Variants in ZGRF1 observed in about 807,000 individuals in gnomAD.
ZGRF1 encodes the protein 5'-3' DNA helicase ZGRF1.
In ZGRF1, 196 loss-of-function variants were observed where a neutral mutation model predicts 203.5. The ratio of observed to expected loss-of-function variants is 0.96; its 90% CI spans 0.86 to 1.08. The LOEUF (loss-of-function observed/expected upper bound fraction) is 1.08. ZGRF1 is among the 50% of genes least tolerant of loss of function. ZGRF1 has a pLI of 0.00. For synonymous variants in ZGRF1, 809 were observed against 841.3 expected (o/e 0.96, Z 0.66); for missense variants, 2,326 against 2,416.3 (o/e 0.96, Z 0.78).
At chr4:112,559,274 C>T (rs1436166135) in intron 19 of ZGRF1, among the ~76,000 whole-genome samples, 1 of 152,176 alleles carries the variant, frequency 6.6e-6, no homozygotes, top group African/African-American at 2.4e-5. Context: ...TCGTGACTCA[C>T]TGCAACCTCT....
chr4:112,543,797 C>T (rs186059159), intron 24 of ZGRF1, among the ~76,000 whole-genome samples: 1 of 152,212 alleles, frequency 6.6e-6, no homozygotes, highest in Admixed American at 6.5e-5. Context: ...AATTTTGAAC[C>T]ATATGACTAT....
chr4:112,613,275 G>C (rs1279472154), intron 6 of ZGRF1, among the ~76,000 whole-genome samples: 1 of 152,094 alleles, frequency 6.6e-6, no homozygotes, highest in Non-Finnish European at 1.5e-5. Flanking sequence ...GCCTGGGTGA[G>C]AGTGAGACCA....
At chr4:112,540,792 T>C (rs1737404956) in intron 26 of ZGRF1, 29 bp downstream of exon 26, 21 of 1,513,118 alleles carry the variant, frequency 1.4e-5, no homozygotes, top group Non-Finnish European at 1.6e-5. Context: ...ATTTAATATA[T>C]GGCAAATACT....
chr4:112,597,523 C>CTAA (rs987394230), intron 10 of ZGRF1, among the ~76,000 whole-genome samples: 15 of 151,094 alleles, frequency 9.9e-5, no homozygotes, highest in African/African-American at 2.9e-4. Flanking sequence ...GACCTTGTCT[C>CTAA]TAATAATAAT....
intron 2 of ZGRF1, among the ~76,000 whole-genome samples, chr4:112,632,263 G>A (rs1229700622): frequency 1.3e-5 from 2 of 151,976 alleles, no homozygotes; most frequent in African/African-American, 4.8e-5. Flanking sequence ...AATAGGGGAG[G>A]AAATGGCAGG....
chr4:112,634,775 T>TA (rs1490910587), intron 1 of ZGRF1, among the ~76,000 whole-genome samples: 1 of 152,162 alleles, frequency 6.6e-6, no homozygotes, highest in Non-Finnish European at 1.5e-5. Context: ...GAGATATGCA[T>TA]ACTTGCTTCG....
At chr4:112,554,003 A>C in intron 21 of ZGRF1, 21 bp from the exon 22 acceptor site, 2 of 1,576,092 alleles carry the variant, frequency 1.3e-6, no homozygotes, top group Non-Finnish European at 1.7e-6. Context: ...ATATTAAAAC[A>C]CTCCTCTTTA....
Position 112,554,397 on chromosome 4 carries a change from G to C in ZGRF1, c.5198+308C>G, listed in dbSNP as rs1553980288. Among the ~76,000 whole-genome samples the C allele has an allele frequency of 2.0e-5, 3 of 152,064 alleles. No homozygotes were observed. In the South Asian group the frequency reaches 6.2e-4, roughly 32 times the overall value. ...ATGCACACGTATGTTTATTGCGGCA[G>C]TATTCACAATAGCAAAGACTTGGAA... On this transcript the variant is annotated intron_variant, in intron 21 of 27. Coordinates refer to ENST00000505019, the MANE Select transcript of ZGRF1 (RefSeq NM_018392.5).
chr4:112,568,336 A>G (rs1743519892), intron 16 of ZGRF1, among the ~76,000 whole-genome samples: 2 of 152,202 alleles, frequency 1.3e-5, no homozygotes, highest in Non-Finnish European at 1.5e-5. Flanking sequence ...CACTGTATAG[A>G]GAAATATAAG....
chr4:112,599,308 C>T (rs1015348070), intron 10 of ZGRF1, among the ~76,000 whole-genome samples: 12 of 152,040 alleles, frequency 7.9e-5, no homozygotes, highest in African/African-American at 1.7e-4. Context: ...AATTGACATG[C>T]ACAATGGAAT....
chr4:112,559,917 T>C (rs1460716627), intron 19 of ZGRF1, among the ~76,000 whole-genome samples: 1 of 152,100 alleles, frequency 6.6e-6, no homozygotes, highest in Non-Finnish European at 1.5e-5. Flanking sequence ...ACACTCAATA[T>C]GAAAGATGGA....
chr4:112,581,666 TG>T lies in ZGRF1; in HGVS notation c.4434del (p.Ser1478ArgfsTer12), dbSNP rs781187868. ...LSRKERSSAYSKNDLWVVSKT... is the reference protein window; with the variant it reads ...LSRKERSSAYXKNDLWVVSKT... ...CAGTATGATCAGATCAACTTACTTT[TG>T]CTATAAGCTGAAGATCTTTCCTTCC... On this transcript the variant is annotated frameshift_variant, in exon 16 of 28. Coordinates refer to ENST00000505019, the MANE Select transcript of ZGRF1 (RefSeq NM_018392.5). LOFTEE classifies it high-confidence loss of function. 3 of 1,575,826 alleles carry T rather than the reference TG, an allele frequency of 1.9e-6. No individual in the cohort carries two copies. In the East Asian group the frequency reaches 7.1e-5, roughly 37 times the overall value.
intron 14 of ZGRF1, among the ~76,000 whole-genome samples, chr4:112,584,598 G>A (rs759420349): frequency 3.3e-5 from 5 of 152,194 alleles, no homozygotes; most frequent in Non-Finnish European, 5.9e-5. Context: ...TTTCTACTCT[G>A]TAACCTAGCC....
chr4:112,587,950 G>A, intron 11 of ZGRF1, 21 bp from the exon 12 acceptor site: 1 of 1,486,924 alleles, frequency 6.7e-7, no homozygotes, highest in Non-Finnish European at 8.9e-7. Context: ...ACAGAATGCT[G>A]ATTAAATAAA....
intron 24 of ZGRF1, among the ~76,000 whole-genome samples, chr4:112,541,650 T>A (rs1205638622): frequency 1.3e-5 from 2 of 151,470 alleles, no homozygotes; most frequent in Admixed American, 1.3e-4. Context: ...TGCCTCAGCC[T>A]CCCGAGTAGC....
intron 6 of ZGRF1, among the ~76,000 whole-genome samples, chr4:112,617,076 G>A (rs1053154352): frequency 6.6e-6 from 1 of 152,048 alleles, no homozygotes; most frequent in Non-Finnish European, 1.5e-5. Flanking sequence ...GTGACAGAGT[G>A]AGACTGTCTC....
chr4:112,548,436 C>T lies in ZGRF1; in HGVS notation c.5347-56G>A, dbSNP rs970751392. ...CAATTATTAAAAGAAAATAAGAGAA[C>T]GTATTTACCAAAGAACTTGTAGGCT... On this transcript the variant is annotated intron_variant, in intron 22 of 27. Transcript: ENST00000505019. 16 of 1,382,834 alleles carry T rather than the reference C, an allele frequency of 1.2e-5. No homozygotes were observed. The East Asian group carries it at 2.0e-4, about 18-fold the overall frequency. 85.7% of individuals were successfully genotyped at this position (1,382,834 alleles called of 1,614,324 possible). A position where few individuals can be genotyped will look rare whatever the true frequency, so the allele number is the denominator to read the frequency against.
rs762531037 is a variant in ZGRF1, at chr4:112,633,169, C to T, written c.8G>A (p.Ser3Asn). ME[S>N]QEFIVLYTHQ... ...GGTAAAACTTACAATAAATTCTTGG[C>T]TTTCCATTATTTCTTCTGAAGTTAT... The change falls in exon 2 of 28, where the codon AGC becomes AAC. Residue 3 changes from serine (S) to asparagine (N), a missense_variant. Transcript: ENST00000505019. The T allele has an allele frequency of 9.9e-6, 16 of 1,610,036 alleles. No individual in the cohort carries two copies. Among genetic ancestry groups the T allele is most frequent in the Non-Finnish European group, 1.4e-5 (16 of 1,177,118 alleles).
chr4:112,589,750 T>C lies in ZGRF1; in HGVS notation c.3101A>G (p.Asp1034Gly). ...CTCCAAGTTGAGAAAATGAAGATCA[T>C]CAGGTAAAGTTCTTGCTTTCAGGGA... ...ETSLKARTLP[D>G]DLHFLNLEGM... is the part of the protein sequence containing the mutation. Residue 1034 changes from aspartate (D) to glycine (G), a missense_variant, in exon 11 of 28, where the codon GAT becomes GGT. Coordinates refer to ENST00000505019, the MANE Select transcript of ZGRF1 (RefSeq NM_018392.5). 6.2e-7 allele frequency: 1 copy of C among 1,613,912 alleles called. No individual in the cohort carries two copies. The highest frequency in any genetic ancestry group is 8.5e-7 in the Non-Finnish European group (1 of 1,179,882).
Sources: gnomAD v4.1 joint callset for allele counts (sites outside exome capture counted in the v4.1 genomes callset) on GRCh38, gnomAD v4.1.1 for gene constraint, MANE v1.5 for transcripts, NCBI Gene and HGNC (gene_info 2026-07-23, HGNC 2026-07-21) for gene names.